GALNT14: variants seen among roughly 807,000 people sequenced by gnomAD.
GALNT14 encodes the protein UDP-GalNAc:polypeptide N-acetylgalactosaminyltransferase 14.
In GALNT14, 60 loss-of-function variants were observed where a neutral mutation model predicts 77.5. That is an observed-to-expected ratio of 0.77 (90% CI 0.63 to 0.96). The LOEUF (loss-of-function observed/expected upper bound fraction) is 0.96, where lower values mean the gene tolerates loss of function less well. GALNT14 is among the 40% of genes least tolerant of loss of function. GALNT14 has a pLI of 0.00. For missense variants in GALNT14, 710 were observed against 731.0 expected (o/e 0.97, Z 0.33); for synonymous variants, 280 against 281.7 (o/e 0.99, Z 0.06).
intron 14 of GALNT14, among the ~76,000 whole-genome samples, chr2:30,911,460 C>G (rs531496329): frequency 6.6e-6 from 1 of 152,174 alleles, no homozygotes; most frequent in Non-Finnish European, 1.5e-5. Flanking sequence ...GGGGCTTCTT[C>G]AAAATGTGTC....
chr2:31,076,629 A>ATATATATATATATATT (rs1553373502), intron 1 of GALNT14, among the ~76,000 whole-genome samples: 3 of 101,890 alleles, frequency 2.9e-5, no homozygotes, highest in African/African-American at 9.3e-5. Flanking sequence ...ATATATATAT[A>ATATATATATATATATT]TTTTTTTTTT....
rs142757379 is a variant in GALNT14 at position 30,992,998 on chromosome 2, C to T, written c.139G>A (p.Ala47Thr). ...PEVQTPKPSD[A>T]DWDDLWDQFD... is the part of the protein sequence containing the mutation. ...TGGTCCCACAGGTCGTCCCAGTCAG[C>T]GTCCGAAGGCTGCGTGACACGAATG... is the stretch of plus-strand genomic sequence containing the variant. Residue 47 changes from alanine to threonine, a missense_variant, in exon 2 of 15, where the codon GCT becomes ACT. Ala to Thr is a moderately conservative substitution (Grantham distance 58). Coordinates refer to ENST00000349752, the MANE Select transcript of GALNT14 (RefSeq NM_024572.4). 128 of 1,614,018 alleles carry T rather than the reference C, an allele frequency of 7.9e-5. No individual in the cohort carries two copies. The Admixed American group carries it at 8.5e-4, about 11-fold the overall frequency.
At chr2:30,937,638 C>T (rs1383020825) in intron 9 of GALNT14, among the ~76,000 whole-genome samples, 10 of 152,196 alleles carry the variant, frequency 6.6e-5, no homozygotes, top group Non-Finnish European at 7.3e-5. Flanking sequence ...TGCTACTTCT[C>T]TTCTGCCTCC....
chr2:31,038,897 C>T (rs1026461711), intron 1 of GALNT14, among the ~76,000 whole-genome samples: 15 of 152,124 alleles, frequency 9.9e-5, no homozygotes, highest in African/African-American at 2.9e-4. Context: ...AGATGTGTGC[C>T]ACTATGCCCC....
intron 8 of GALNT14, 97 bp from the exon 9 acceptor site, chr2:30,942,401 T>G (rs1375382527): frequency 1.2e-6 from 1 of 868,972 alleles, no homozygotes; most frequent in Non-Finnish European, 1.8e-6. Flanking sequence ...CATTTCCCAT[T>G]TGGGGAAAGA....
At chr2:31,120,619 C>T (rs899654504) in intron 1 of GALNT14, among the ~76,000 whole-genome samples, 2 of 152,152 alleles carry the variant, frequency 1.3e-5, no homozygotes, top group Admixed American at 6.5e-5. Context: ...TGCAGTGCCA[C>T]GATCTTGGCT....
chr2:30,992,429 C>T (rs1401090377), intron 2 of GALNT14, among the ~76,000 whole-genome samples: 4 of 152,160 alleles, frequency 2.6e-5, no homozygotes, highest in Non-Finnish European at 5.9e-5. Flanking sequence ...AAAACACCGC[C>T]CACCTACCTG....
intron 2 of GALNT14, among the ~76,000 whole-genome samples, chr2:30,968,539 A>G (rs1184045163): frequency 1.3e-5 from 2 of 152,170 alleles, no homozygotes; most frequent in African/African-American, 2.4e-5. Flanking sequence ...CCAGGTGGAG[A>G]GGAACTGTGG....
At chr2:31,062,878 T>C (rs1674693313) in intron 1 of GALNT14, among the ~76,000 whole-genome samples, 1 of 152,230 alleles carries the variant, frequency 6.6e-6, no homozygotes, top group Admixed American at 6.5e-5. Context: ...AAGTGTCTGT[T>C]CATATTCTTC....
intron 1 of GALNT14, among the ~76,000 whole-genome samples, chr2:31,064,340 A>G (rs982408904): frequency 1.3e-5 from 2 of 152,192 alleles, no homozygotes; most frequent in Admixed American, 6.5e-5. Flanking sequence ...AAGATGGTAA[A>G]TTTTTAAAAT....
chr2:31,122,025 GA>G (rs550401451), intron 1 of GALNT14, among the ~76,000 whole-genome samples: 1 of 152,068 alleles, frequency 6.6e-6, no homozygotes, highest in Admixed American at 6.5e-5. Flanking sequence ...CCCAGAGGGT[GA>G]AAAAAAGGGC....
At chr2:31,080,074 G>A (rs555535034) in intron 1 of GALNT14, among the ~76,000 whole-genome samples, 1 of 152,234 alleles carries the variant, frequency 6.6e-6, no homozygotes, top group Non-Finnish European at 1.5e-5. Context: ...TGAAAACAGT[G>A]CATGGGGCAA....
intron 13 of GALNT14, among the ~76,000 whole-genome samples, chr2:30,912,647 G>A (rs750729633): frequency 6.6e-6 from 1 of 152,220 alleles, no homozygotes; most frequent in Non-Finnish European, 1.5e-5. Flanking sequence ...CCCCAGCTGA[G>A]CTGTGTGCTC....
chr2:30,932,991 AG>A (rs1665831904), intron 9 of GALNT14, among the ~76,000 whole-genome samples: 1 of 152,086 alleles, frequency 6.6e-6, no homozygotes, highest in Non-Finnish European at 1.5e-5. Flanking sequence ...GGTGGGATGG[AG>A]TTAGCAGAGG....
At chr2:31,136,067 G>C (rs754303927) in intron 1 of GALNT14, among the ~76,000 whole-genome samples, 15 of 152,160 alleles carry the variant, frequency 9.9e-5, no homozygotes, top group African/African-American at 1.4e-4. Context: ...ACATCACAGG[G>C]AGCAGAACCA....
intron 1 of GALNT14, among the ~76,000 whole-genome samples, chr2:30,996,283 G>A (rs923565911): frequency 6.6e-6 from 1 of 152,256 alleles, no homozygotes; most frequent in African/African-American, 2.4e-5. Context: ...AGGCCGGAAT[G>A]TGGATTGCAA....
intron 13 of GALNT14, among the ~76,000 whole-genome samples, chr2:30,918,515 A>T (rs1452111232): frequency 6.6e-6 from 1 of 152,206 alleles, no homozygotes; most frequent in Non-Finnish European, 1.5e-5. Context: ...AAGAAGAGAG[A>T]GGACCTTACA....
At chr2:31,052,694 C>T (rs892086974) in intron 1 of GALNT14, among the ~76,000 whole-genome samples, 12 of 152,154 alleles carry the variant, frequency 7.9e-5, no homozygotes, top group Admixed American at 6.5e-4. Context: ...ACAGCACCGG[C>T]GGCAGGCGCT....
intron 8 of GALNT14, among the ~76,000 whole-genome samples, chr2:30,942,914 T>C (rs548398147): frequency 6.6e-5 from 10 of 152,096 alleles, no homozygotes; most frequent in Non-Finnish European, 1.2e-4. Context: ...TTTCCAGAGG[T>C]AATCAAGTTA....
Sources: gnomAD v4.1 joint callset for allele counts (sites outside exome capture counted in the v4.1 genomes callset) on GRCh38, gnomAD v4.1.1 for gene constraint, MANE v1.5 for transcripts, NCBI Gene and HGNC (gene_info 2026-07-23, HGNC 2026-07-21) for gene names.